The following FCHO2 variants were observed in gnomAD, a reference collection of about 807,000 sequenced individuals.
FCHO2 encodes F-BAR domain only protein 2.
FCHO2 carries 43 observed loss-of-function variants against 114.1 expected under a neutral mutation model. The observed-to-expected ratio is 0.38, with a 90% confidence interval of 0.30 to 0.49. The LOEUF is 0.49. Ranked by LOEUF, FCHO2 falls within the 20% of genes least tolerant of loss-of-function variation. FCHO2 has a pLI of 0.97. For synonymous variants in FCHO2, 293 were observed against 315.2 expected, an observed-to-expected ratio of 0.93 and a Z score of 0.75; for missense variants, 807 against 950.4, an observed-to-expected ratio of 0.85 and a Z score of 1.98.
chr5:73,064,106 G>A (rs1219082243), intron 18 of FCHO2, among the ~76,000 whole-genome samples, 162 bp downstream of exon 18: 1 of 151,902 alleles, frequency 6.6e-6, no homozygotes, highest in African/African-American at 2.4e-5. Flanking sequence ...ACTCTTCCTT[G>A]TTACCACAGT....
At chr5:73,044,109 G>A (rs1756942049) in intron 11 of FCHO2, among the ~76,000 whole-genome samples, 1 of 152,160 alleles carries the variant, frequency 6.6e-6, no homozygotes, top group African/African-American at 2.4e-5. Context: ...TGTAAGATAT[G>A]CTTCCTTCCT....
chr5:72,969,019 C>G (rs537858684), intron 2 of FCHO2, among the ~76,000 whole-genome samples: 1 of 152,126 alleles, frequency 6.6e-6, no homozygotes, highest in South Asian at 2.1e-4. Flanking sequence ...TAAAATCTTG[C>G]AAATTTATAA....
intron 8 of FCHO2, among the ~76,000 whole-genome samples, chr5:73,027,589 G>A (rs1756008533): frequency 6.6e-6 from 1 of 151,630 alleles, no homozygotes; most frequent in Non-Finnish European, 1.5e-5. Context: ...AGTTCCCAGT[G>A]GCCAAAGCTG....
intron 2 of FCHO2, among the ~76,000 whole-genome samples, chr5:72,986,649 T>C (rs1375586927): frequency 6.6e-6 from 1 of 152,232 alleles, no homozygotes; most frequent in Non-Finnish European, 1.5e-5. Context: ...AATAATCTTA[T>C]TCACTATTAC....
At chr5:73,012,992 C>G (rs995037445) in intron 6 of FCHO2, among the ~76,000 whole-genome samples, 1 of 152,120 alleles carries the variant, frequency 6.6e-6, no homozygotes, top group Non-Finnish European at 1.5e-5. Context: ...AAGGGTCATT[C>G]AAATGAAATT....
chr5:72,995,165 AT>A (rs1206000871), intron 5 of FCHO2, among the ~76,000 whole-genome samples: 24 of 152,240 alleles, frequency 1.6e-4, no homozygotes, highest in Non-Finnish European at 3.4e-4. Context: ...ACTGAAAATA[AT>A]TTGAAAGAAA....
chr5:73,013,865 T>G (rs1419961516), intron 6 of FCHO2, among the ~76,000 whole-genome samples: 1 of 151,972 alleles, frequency 6.6e-6, no homozygotes, highest in Non-Finnish European at 1.5e-5. Flanking sequence ...TTTGTATTTT[T>G]AGTAGAGACG....
Position 73,017,220 on chromosome 5 carries a change from A to G in FCHO2, c.708A>G (p.Glu236=). 6.6e-7 allele frequency: 1 copy of G among 1,525,918 alleles called. No homozygotes were observed. The highest frequency in any genetic ancestry group is 8.8e-7 in the Non-Finnish European group (1 of 1,132,372). The allele number at this position is 1,525,918 out of a possible 1,614,324, so 94.5% of individuals were successfully genotyped here. Residue 236 remains glutamate (E), a synonymous_variant, in exon 8 of 26, where the codon GAA becomes GAG. Coordinates refer to ENST00000430046, the MANE Select transcript of FCHO2 (RefSeq NM_138782.3). ...EIHLQIGQVH[E]EFINNMANTT... is the part of the protein sequence containing the mutation. ...TTATTTCATTTTAATAGGTCCATGA[A>G]GAATTTATAAATAACATGGCTAATA...
intron 8 of FCHO2, among the ~76,000 whole-genome samples, chr5:73,024,941 T>C (rs982361092): frequency 3.3e-5 from 5 of 152,178 alleles, no homozygotes; most frequent in South Asian, 2.1e-4. Context: ...CCTTAAGATA[T>C]ACGAAGTCAT....
At chr5:73,079,443 A>G (rs1203894632) in intron 22 of FCHO2, among the ~76,000 whole-genome samples, 1 of 152,216 alleles carries the variant, frequency 6.6e-6, no homozygotes, top group African/African-American at 2.4e-5. Flanking sequence ...ACGACATAGT[A>G]GCATTTCAAG....
At chr5:72,989,134 T>C (rs1753694548) in intron 2 of FCHO2, among the ~76,000 whole-genome samples, 1 of 152,018 alleles carries the variant, frequency 6.6e-6, no homozygotes, top group Non-Finnish European at 1.5e-5. Context: ...TGCTTAAGCC[T>C]AGGAGGTCAA....
intron 2 of FCHO2, among the ~76,000 whole-genome samples, chr5:72,979,252 TG>T (rs1170646329): frequency 4.6e-5 from 7 of 152,140 alleles, no homozygotes; most frequent in Non-Finnish European, 1.0e-4. Context: ...GAGCTGTTTT[TG>T]GTTGGTAGGC....
intron 2 of FCHO2, among the ~76,000 whole-genome samples, chr5:72,987,928 C>T (rs529595299): frequency 3.3e-5 from 5 of 152,198 alleles, no homozygotes; most frequent in Admixed American, 3.3e-4. Flanking sequence ...AGGTGGTTCA[C>T]ATATCTTAAT....
intron 25 of FCHO2, 52 bp from the exon 26 acceptor site, chr5:73,088,016 C>T: frequency 6.2e-7 from 1 of 1,608,816 alleles, no homozygotes; most frequent in South Asian, 1.1e-5. Flanking sequence ...GGAAAATGTC[C>T]TTAGAGTGCA....
chr5:73,073,251 T>C (rs1288451217), intron 19 of FCHO2, among the ~76,000 whole-genome samples: 1 of 152,106 alleles, frequency 6.6e-6, no homozygotes, highest in Non-Finnish European at 1.5e-5. Flanking sequence ...TAGGATTTAC[T>C]CTGTGTTCAG....
At chr5:73,066,750 A>G (rs1246313386) in intron 18 of FCHO2, among the ~76,000 whole-genome samples, 1 of 151,906 alleles carries the variant, frequency 6.6e-6, no homozygotes, top group Non-Finnish European at 1.5e-5. Context: ...TAGCATTAGC[A>G]TCACCAGGGA....
chr5:73,024,163 G>A (rs1038736514), intron 8 of FCHO2, among the ~76,000 whole-genome samples: 1 of 151,940 alleles, frequency 6.6e-6, no homozygotes, highest in Non-Finnish European at 1.5e-5. Context: ...AGGCTCAAGC[G>A]ATCTTGCCAC....
intron 8 of FCHO2, chr5:73,020,970 G>A (rs1580117075): frequency 2.5e-6 from 4 of 1,595,668 alleles, no homozygotes; most frequent in Non-Finnish European, 2.6e-6. Flanking sequence ...TGAGTGGTTC[G>A]GGTCCATTCA....
intron 2 of FCHO2, among the ~76,000 whole-genome samples, chr5:72,971,936 A>G (rs1204356714): frequency 6.6e-6 from 1 of 151,622 alleles, no homozygotes; most frequent in Non-Finnish European, 1.5e-5. Context: ...CAGTTTTCCC[A>G]GCACCATTTA....
Sources: gnomAD v4.1 joint callset for allele counts (sites outside exome capture counted in the v4.1 genomes callset) on GRCh38, gnomAD v4.1.1 for gene constraint, MANE v1.5 for transcripts, NCBI Gene and HGNC (gene_info 2026-07-23, HGNC 2026-07-21) for gene names.